NXPE2: variants seen among roughly 807,000 people sequenced by gnomAD.
NXPE2 encodes the protein NXPE family member 2.
In NXPE2, 34 loss-of-function variants were observed where a neutral mutation model predicts 34.4. The observed-to-expected ratio is 0.99, with a 90% confidence interval of 0.75 to 1.31. NXPE2 has a LOEUF of 1.31. Ranked by LOEUF, NXPE2 falls within the 40% of genes most tolerant of loss-of-function variation. The pLI is 0.00. For synonymous variants in NXPE2, 235 were observed against 231.3 expected, an observed-to-expected ratio of 1.02 and a Z score of -0.15; for missense variants, 649 against 672.5, an observed-to-expected ratio of 0.97 and a Z score of 0.39.
At chr11:114,701,669 C>G (rs1200630035) in intron 3 of NXPE2, among the ~76,000 whole-genome samples, 1 of 152,172 alleles carries the variant, frequency 6.6e-6, no homozygotes, top group East Asian at 1.9e-4. Context: ...GGGTCCCTTC[C>G]TAGACCCAAG....
At chr11:114,546,512 G>T in the NXPE2 span, among the ~76,000 whole-genome samples, 1 of 149,240 alleles carries the variant, frequency 6.7e-6, no homozygotes, top group African/African-American at 2.5e-5. Context: ...ATGTTGACCA[G>T]ACTGGTCCCG....
chr11:114,622,364 T>C, the NXPE2 span, among the ~76,000 whole-genome samples: 2 of 152,266 alleles, frequency 1.3e-5, no homozygotes, highest in African/African-American at 4.8e-5. Flanking sequence ...GGGTAACCAC[T>C]GTTACCAAGT....
the NXPE2 span, among the ~76,000 whole-genome samples, chr11:114,495,723 A>T: frequency 6.6e-6 from 1 of 152,092 alleles, no homozygotes; most frequent in South Asian, 2.1e-4. Context: ...TTTAGTTAGT[A>T]GACGATGAAT....
the NXPE2 span, among the ~76,000 whole-genome samples, chr11:114,602,972 C>T: frequency 6.7e-6 from 1 of 149,814 alleles, no homozygotes; most frequent in Non-Finnish European, 1.5e-5. Context: ...ATTACAGAAT[C>T]ATATAATTAT....
At chr11:114,531,515 G>A in the NXPE2 span, among the ~76,000 whole-genome samples, 1 of 152,264 alleles carries the variant, frequency 6.6e-6, no homozygotes, top group Middle Eastern at 3.4e-3. Context: ...CCTTTTTAAA[G>A]CAAAACTCTA....
chr11:114,678,751 G>A (rs987457709), intron 1 of NXPE2, 150 bp downstream of exon 1: 3 of 611,650 alleles, frequency 4.9e-6, no homozygotes, highest in Non-Finnish European at 5.9e-6. Flanking sequence ...CTTTTAAAAT[G>A]GAATACAATT....
the NXPE2 span, among the ~76,000 whole-genome samples, chr11:114,556,685 A>AT: frequency 2.0e-5 from 3 of 151,762 alleles, no homozygotes; most frequent in African/African-American, 2.4e-5. Flanking sequence ...CTTTCATATC[A>AT]TTTTTTAAAA....
the NXPE2 span, among the ~76,000 whole-genome samples, chr11:114,786,823 C>T: frequency 6.6e-6 from 1 of 151,790 alleles, no homozygotes; most frequent in East Asian, 1.9e-4. Context: ...GAAGAGCCCC[C>T]CCATGCAAGC....
the NXPE2 span, among the ~76,000 whole-genome samples, chr11:114,747,290 C>A: frequency 6.9e-6 from 1 of 144,054 alleles, no homozygotes. Context: ...GATAGAGAAC[C>A]TGCCATCTCA....
At chr11:114,501,243 G>C in the NXPE2 span, among the ~76,000 whole-genome samples, 40 of 152,198 alleles carry the variant, frequency 2.6e-4, 1 homozygote, top group South Asian at 8.3e-3. Flanking sequence ...GTAGAAACTG[G>C]ATAGTTTCTG....
the NXPE2 span, among the ~76,000 whole-genome samples, chr11:114,653,182 G>T: frequency 3.3e-5 from 5 of 152,118 alleles, no homozygotes; most frequent in African/African-American, 1.2e-4. Flanking sequence ...TGGAGAAAGG[G>T]TTTTTAAAAC....
At chr11:114,582,311 T>C in the NXPE2 span, 63 of 1,582,212 alleles carry the variant, frequency 4.0e-5, no homozygotes, top group Non-Finnish European at 5.4e-5. Flanking sequence ...TCTTTTCTTG[T>C]TTGCTAAGAT....
the NXPE2 span, among the ~76,000 whole-genome samples, chr11:114,668,363 A>G: frequency 6.6e-6 from 1 of 151,954 alleles, no homozygotes; most frequent in Non-Finnish European, 1.5e-5. Context: ...CTAAGTTCTC[A>G]ACTGCACAAA....
At chr11:114,675,827 T>C (rs953620964), upstream of NXPE2, among the ~76,000 whole-genome samples, 3 of 151,894 alleles carry the variant, frequency 2.0e-5, no homozygotes, top group Non-Finnish European at 4.4e-5. Flanking sequence ...GCTGGAAATA[T>C]TAAACTACCT....
the NXPE2 span, among the ~76,000 whole-genome samples, chr11:114,799,607 T>C: frequency 6.6e-6 from 1 of 152,184 alleles, no homozygotes; most frequent in Admixed American, 6.5e-5. Flanking sequence ...GGAAGGAGAC[T>C]TGCCGATGTG....
chr11:114,611,735 A>G, the NXPE2 span, among the ~76,000 whole-genome samples: 1 of 151,438 alleles, frequency 6.6e-6, no homozygotes, highest in South Asian at 2.1e-4. Flanking sequence ...CACCATTGTT[A>G]GCCAGTTGAT....
At chr11:114,760,316 A>G in the NXPE2 span, among the ~76,000 whole-genome samples, 64 of 152,280 alleles carry the variant, frequency 4.2e-4, no homozygotes, top group Non-Finnish European at 8.5e-4. Flanking sequence ...ACAGGCCTTC[A>G]CCAGGTAAGA....
the NXPE2 span, among the ~76,000 whole-genome samples, chr11:114,566,936 C>T: frequency 6.6e-6 from 1 of 152,140 alleles, no homozygotes. Context: ...CCTTTGTATA[C>T]ATTCTCTGCA....
chr11:114,601,585 T>TATATATTATAATTATATATA, the NXPE2 span, among the ~76,000 whole-genome samples: 660 of 6,956 alleles, frequency 0.095, 1 homozygote, highest in East Asian at 0.14. Flanking sequence ...AATTATATAT[T>TATATATTATAATTATATATA]ATATATATTA....
Sources: allele counts gnomAD v4.1 joint callset (sites outside exome capture counted in the v4.1 genomes callset), GRCh38; gene constraint gnomAD v4.1.1; transcripts MANE v1.5; gene names NCBI Gene and HGNC (gene_info 2026-07-23, HGNC 2026-07-21).